The following STXBP5L variants were observed in gnomAD, a reference collection of about 807,000 sequenced individuals.
STXBP5L encodes the protein syntaxin binding protein 5L.
In STXBP5L, 65 loss-of-function variants were observed where a neutral mutation model predicts 144.5. The ratio of observed to expected loss-of-function variants is 0.45; its 90% CI spans 0.37 to 0.55. STXBP5L has a LOEUF of 0.55. Ranked by LOEUF, STXBP5L falls within the 20% of genes least tolerant of loss-of-function variation. STXBP5L has a pLI of 0.00. For synonymous variants in STXBP5L, 505 were observed against 469.6 expected, an observed-to-expected ratio of 1.08 and a Z score of -0.97; for missense variants, 1,298 against 1,405.5, an observed-to-expected ratio of 0.92 and a Z score of 1.22.
chr3:121,348,795 G>T (rs1226446418), intron 20 of STXBP5L, among the ~76,000 whole-genome samples: 1 of 151,986 alleles, frequency 6.6e-6, no homozygotes, highest in African/African-American at 2.4e-5. Context: ...TGTGGGATCG[G>T]CGGTGATATC....
intron 1 of STXBP5L, among the ~76,000 whole-genome samples, chr3:120,908,833 G>C (rs554791124): frequency 1.6e-4 from 24 of 149,852 alleles, no homozygotes; most frequent in African/African-American, 4.7e-4. Context: ...TGGGGAGAGG[G>C]GGGAAAGAGG....
chr3:120,985,833 A>C (rs1178856414), intron 3 of STXBP5L, among the ~76,000 whole-genome samples: 1 of 151,590 alleles, frequency 6.6e-6, no homozygotes, highest in Non-Finnish European at 1.5e-5. Flanking sequence ...ATCTAGCTAA[A>C]GGTTTGTGAA....
intron 19 of STXBP5L, among the ~76,000 whole-genome samples, chr3:121,304,467 C>T (rs188278880): frequency 2.3e-4 from 35 of 151,818 alleles, no homozygotes; most frequent in Middle Eastern, 6.8e-3. Context: ...ATAGACTGGG[C>T]GATAAAACAA....
chr3:121,268,493 A>C (rs1030945902), intron 18 of STXBP5L, among the ~76,000 whole-genome samples: 8 of 152,178 alleles, frequency 5.3e-5, no homozygotes, highest in Non-Finnish European at 2.9e-5. Context: ...CCCATGGCAC[A>C]TGTATACCTA....
At chr3:121,071,765 C>T (rs2041821707) in intron 5 of STXBP5L, among the ~76,000 whole-genome samples, 1 of 152,184 alleles carries the variant, frequency 6.6e-6, no homozygotes, top group Non-Finnish European at 1.5e-5. Context: ...TGTATGGCCT[C>T]ACCTAAGGCT....
chr3:121,287,484 C>T (rs995164185), intron 19 of STXBP5L, among the ~76,000 whole-genome samples: 3 of 152,116 alleles, frequency 2.0e-5, no homozygotes, highest in African/African-American at 7.2e-5. Flanking sequence ...TTTACAATAT[C>T]ATCAAAAATA....
chr3:121,195,762 A>G (rs2047895379), intron 9 of STXBP5L, among the ~76,000 whole-genome samples: 1 of 152,158 alleles, frequency 6.6e-6, no homozygotes, highest in Non-Finnish European at 1.5e-5. Flanking sequence ...CCCATCAACA[A>G]TACCTGCTTT....
At chr3:121,359,906 C>T (rs2045652259) in intron 20 of STXBP5L, among the ~76,000 whole-genome samples, 2 of 143,462 alleles carry the variant, frequency 1.4e-5, no homozygotes, top group Non-Finnish European at 1.5e-5. Flanking sequence ...AATGTGATTC[C>T]TCCAGTTTGG....
intron 7 of STXBP5L, among the ~76,000 whole-genome samples, chr3:121,142,039 G>A (rs899250510): frequency 6.6e-6 from 1 of 151,814 alleles, no homozygotes; most frequent in Non-Finnish European, 1.5e-5. Flanking sequence ...TTCCATTTAA[G>A]GATATATAAA....
intron 5 of STXBP5L, among the ~76,000 whole-genome samples, chr3:121,056,646 T>C (rs1306693109): frequency 6.6e-6 from 1 of 152,158 alleles, no homozygotes; most frequent in South Asian, 2.1e-4. Context: ...GGGTTTGACA[T>C]TCAAAAGGTA....
intron 3 of STXBP5L, among the ~76,000 whole-genome samples, chr3:121,021,534 C>T (rs1262979611): frequency 6.6e-6 from 1 of 152,062 alleles, no homozygotes; most frequent in African/African-American, 2.4e-5. Context: ...CAAGTCTCAA[C>T]AAATTTAAGA....
chr3:120,909,430 T>A, intron 1 of STXBP5L, 141 bp from the exon 2 acceptor site: 3 of 712,838 alleles, frequency 4.2e-6, no homozygotes, highest in Non-Finnish European at 6.5e-6. Flanking sequence ...GAATCCTGAC[T>A]CTTTTTTTCC....
intron 3 of STXBP5L, among the ~76,000 whole-genome samples, chr3:120,975,247 G>T (rs577378961): frequency 2.0e-5 from 3 of 152,136 alleles, no homozygotes; most frequent in Non-Finnish European, 4.4e-5. Context: ...TCTCCTTGAA[G>T]AGGTCCTTCA....
chr3:121,211,099 T>A (rs561529839), intron 10 of STXBP5L, among the ~76,000 whole-genome samples: 3 of 152,312 alleles, frequency 2.0e-5, no homozygotes, highest in East Asian at 3.9e-4. Flanking sequence ...TGTCCTCTTT[T>A]ATTTTGTTGA....
At chr3:120,934,410 C>T (rs1384363686) in intron 2 of STXBP5L, among the ~76,000 whole-genome samples, 1 of 151,982 alleles carries the variant, frequency 6.6e-6, no homozygotes. Flanking sequence ...TGTTTTATGG[C>T]CCAGAATGTG....
intron 22 of STXBP5L, among the ~76,000 whole-genome samples, chr3:121,386,910 G>A (rs2046440271): frequency 6.6e-6 from 1 of 152,178 alleles, no homozygotes; most frequent in South Asian, 2.1e-4. Flanking sequence ...AATCCTTTGT[G>A]TATATACCCA....
chr3:121,166,719 CAATATT>C (rs1355894074), intron 9 of STXBP5L, among the ~76,000 whole-genome samples: 2 of 152,028 alleles, frequency 1.3e-5, no homozygotes, highest in African/African-American at 2.4e-5. Context: ...GGTCATTGCT[CAATATT>C]AATACATAGA....
intron 2 of STXBP5L, among the ~76,000 whole-genome samples, chr3:120,951,944 G>A (rs974432499): frequency 7.3e-5 from 11 of 151,708 alleles, no homozygotes; most frequent in African/African-American, 2.4e-4. Flanking sequence ...AGAAAATGTG[G>A]CACATATACA....
At chr3:121,318,659 C>A (rs2043865217) in intron 20 of STXBP5L, 119 bp downstream of exon 20, 2 of 652,342 alleles carry the variant, frequency 3.1e-6, no homozygotes, top group Non-Finnish European at 4.7e-6. Context: ...TAATTCCATT[C>A]ATTAAATTTA....
Sources: allele counts gnomAD v4.1 joint callset (sites outside exome capture counted in the v4.1 genomes callset), GRCh38; gene constraint gnomAD v4.1.1; transcripts MANE v1.5; gene names NCBI Gene and HGNC (gene_info 2026-07-23, HGNC 2026-07-21).